GPD2: variants seen among roughly 807,000 people sequenced by gnomAD.
GPD2 encodes the protein glycerol-3-phosphate dehydrogenase, mitochondrial.
Under a neutral mutation model 82.4 loss-of-function variants are expected in GPD2, and 54 were observed. The observed-to-expected ratio is 0.66, with a 90% CI of 0.53 to 0.82. The LOEUF (loss-of-function observed/expected upper bound fraction) is 0.82. Among genes scored for constraint, GPD2 ranks in the 40% least tolerant of loss-of-function variants. The pLI, the probability that GPD2 is intolerant of heterozygous loss-of-function variation, is 0.00. For missense variants in GPD2, 748 were observed against 896.2 expected, an observed-to-expected ratio of 0.83 and a Z score of 2.11; for synonymous variants, 288 against 306.1, an observed-to-expected ratio of 0.94 and a Z score of 0.62.
Position 156,579,799 on chromosome 2 carries a change from G to C in GPD2, c.2058+11G>C, listed in dbSNP as rs369946106. 1.8e-5 allele frequency: 23 copies of C among 1,260,580 alleles called. No individual in the cohort carries two copies. In the South Asian group the frequency reaches 2.7e-4, roughly 15 times the overall value. The allele number at this position is 1,260,580 out of a possible 1,614,324, so 78.1% of individuals were successfully genotyped here. On this transcript the variant is annotated intron_variant, in intron 16 of 16. Coordinates refer to ENST00000438166, the MANE Select transcript of GPD2 (RefSeq NM_000408.5). ...AATGAATTTTTGCAGGTGAGTTGTG[G>C]TGAAAGGAAACAAGGATATTTGCTT...
chr2:156,506,844 AT>A, intron 3 of GPD2, among the ~76,000 whole-genome samples: 1 of 152,352 alleles, frequency 6.6e-6, no homozygotes, highest in African/African-American at 2.4e-5. Context: ...GACAGTCAGC[AT>A]AATAGTATTT....
intron 6 of GPD2, among the ~76,000 whole-genome samples, chr2:156,534,854 T>A (rs1384068065): frequency 1.3e-5 from 2 of 152,038 alleles, no homozygotes; most frequent in Non-Finnish European, 2.9e-5. Flanking sequence ...AAGGAAACCA[T>A]TGATTTATGG....
At chr2:156,544,431 G>A (rs576920598) in intron 6 of GPD2, among the ~76,000 whole-genome samples, 3 of 152,278 alleles carry the variant, frequency 2.0e-5, no homozygotes, top group African/African-American at 7.2e-5. Flanking sequence ...GGCACTGTGA[G>A]GACTCAAGGC....
At chr2:156,504,221 A>G (rs1397717019) in intron 3 of GPD2, among the ~76,000 whole-genome samples, 1 of 152,160 alleles carries the variant, frequency 6.6e-6, no homozygotes, top group Non-Finnish European at 1.5e-5. Flanking sequence ...GTGAGGATTA[A>G]CAAGTCAGGA....
chr2:156,490,509 C>T (rs1684136553), intron 2 of GPD2, among the ~76,000 whole-genome samples: 1 of 152,128 alleles, frequency 6.6e-6, no homozygotes, highest in African/African-American at 2.4e-5. Context: ...TCAGTAAAAC[C>T]TTCAAAACAA....
chr2:156,529,981 G>C (rs542326075), intron 6 of GPD2, among the ~76,000 whole-genome samples: 3,292 of 151,638 alleles, frequency 0.022, 87 homozygotes, highest in African/African-American at 0.061. Context: ...TGAAGAAAGT[G>C]ATTGGTAGCT....
Position 156,513,320 on chromosome 2 carries a change from AT to A in GPD2, c.498-10del. The A allele has an allele frequency of 6.3e-7, 1 of 1,590,652 alleles. No individual in the cohort carries two copies. Among genetic ancestry groups the A allele is most frequent in the South Asian group, 1.1e-5 (1 of 90,562 alleles). ...CTGTTTCTGAAGAACTTTCCCCCCT[AT>A]TTATGCTGTAGGTGGTGGCAGTTAC... is the stretch of plus-strand genomic sequence containing the variant. On this transcript the variant is annotated splice_polypyrimidine_tract_variant and intron_variant, in intron 5 of 16. Transcript: ENST00000438166.
intron 2 of GPD2, among the ~76,000 whole-genome samples, chr2:156,492,877 T>C (rs987499209): frequency 6.6e-6 from 1 of 152,152 alleles, no homozygotes; most frequent in African/African-American, 2.4e-5. Context: ...ATGAGGAACA[T>C]TGACAGAGAA....
intron 3 of GPD2, among the ~76,000 whole-genome samples, chr2:156,510,119 G>A (rs917656924): frequency 6.6e-6 from 1 of 152,056 alleles, no homozygotes; most frequent in African/African-American, 2.4e-5. Flanking sequence ...TCTGCACAGT[G>A]TTCATTTTTA....
chr2:156,537,787 T>C (rs1229538855), intron 6 of GPD2, among the ~76,000 whole-genome samples: 1 of 152,226 alleles, frequency 6.6e-6, no homozygotes, highest in Non-Finnish European at 1.5e-5. Context: ...TTAGAGCCTA[T>C]TTATTGAATT....
chr2:156,450,428 GAGA>G (rs962836407), intron 1 of GPD2, among the ~76,000 whole-genome samples: 1 of 152,150 alleles, frequency 6.6e-6, no homozygotes, highest in African/African-American at 2.4e-5. Context: ...TTATATAGAA[GAGA>G]AGGAGGAGTT....
At chr2:156,482,827 T>C (rs1255288575) in intron 2 of GPD2, among the ~76,000 whole-genome samples, 1 of 152,200 alleles carries the variant, frequency 6.6e-6, no homozygotes, top group Non-Finnish European at 1.5e-5. Context: ...AAAACCCTGA[T>C]AACAGTGATG....
At chr2:156,577,338 A>T (rs114043787) in intron 13 of GPD2, among the ~76,000 whole-genome samples, 6,376 of 152,108 alleles carry the variant, frequency 0.042, 325 homozygotes, top group African/African-American at 0.12. Context: ...ATAATAATAA[A>T]AAATTAGCCA....
chr2:156,518,968 C>G (rs1363166372), intron 6 of GPD2, among the ~76,000 whole-genome samples: 1 of 152,156 alleles, frequency 6.6e-6, no homozygotes, highest in Non-Finnish European at 1.5e-5. Context: ...TCCATAATCT[C>G]CAAAGTGAAA....
chr2:156,479,388 G>A (rs1683639094), intron 2 of GPD2, among the ~76,000 whole-genome samples: 1 of 152,298 alleles, frequency 6.6e-6, no homozygotes. Flanking sequence ...TAGCAATGAT[G>A]CTTTTGTCTC....
the GPD2 span, among the ~76,000 whole-genome samples, chr2:156,401,231 G>A: frequency 5.3e-5 from 8 of 152,240 alleles, no homozygotes; most frequent in South Asian, 2.1e-4. Context: ...TAGCAAATGT[G>A]CTTTTCTATT....
In GPD2 at chr2:156,581,173, T is replaced by A. The variant is rs572097939; in HGVS notation, c.2058+1385T>A. Among the ~76,000 whole-genome samples, 13 of 152,246 alleles carry A rather than the reference T, an allele frequency of 8.5e-5. No individual in the cohort carries two copies. The South Asian group carries it at 1.4e-3, about 17-fold the overall frequency. On this transcript the variant is annotated intron_variant, in intron 16 of 16. Transcript: ENST00000438166. ...AGGTTTTCTTGTAGAGTTTTTTTTT[T>A]AAATAATTGAGTATTTTTTGTCCAA...
chr2:156,491,174 A>G (rs1315760517), intron 2 of GPD2, among the ~76,000 whole-genome samples: 1 of 152,208 alleles, frequency 6.6e-6, no homozygotes, highest in Non-Finnish European at 1.5e-5. Context: ...TGTACAGAAC[A>G]TGATATAAAC....
intron 1 of GPD2, among the ~76,000 whole-genome samples, chr2:156,472,611 C>T (rs1367726929): frequency 2.6e-5 from 4 of 152,064 alleles, no homozygotes; most frequent in African/African-American, 7.2e-5. Context: ...TGTGAGCCAC[C>T]GTGCCCGGCC....
Sources: allele counts gnomAD v4.1 joint callset (sites outside exome capture counted in the v4.1 genomes callset), GRCh38; gene constraint gnomAD v4.1.1; transcripts MANE v1.5; gene names NCBI Gene and HGNC (gene_info 2026-07-23, HGNC 2026-07-21).